The following KIF3C variants were observed in gnomAD, a reference collection of about 807,000 sequenced individuals.
The protein encoded by KIF3C is kinesin-like protein KIF3C.
KIF3C carries 12 observed loss-of-function variants against 67.7 expected under a neutral mutation model. The observed-to-expected ratio is 0.18, with a 90% confidence interval of 0.11 to 0.29. KIF3C has a LOEUF of 0.29. KIF3C is among the 10% of genes least tolerant of loss of function. The pLI is 1.00. For synonymous variants in KIF3C, 393 were observed against 426.2 expected, an observed-to-expected ratio of 0.92 and a Z score of 0.96; for missense variants, 789 against 1,059.6, an observed-to-expected ratio of 0.74 and a Z score of 3.55.
chr2:25,955,504 C>T lies in KIF3C; in HGVS notation c.1770+37G>A. The T allele has an allele frequency of 6.2e-7, 1 of 1,611,270 alleles. No individual in the cohort carries two copies. The highest frequency in any genetic ancestry group is 1.1e-5 in the South Asian group (1 of 90,816). On this transcript the variant is annotated intron_variant, in intron 3 of 7. Coordinates refer to ENST00000264712, the MANE Select transcript of KIF3C (RefSeq NM_002254.8). The surrounding 1 kb of genome is among the most constrained non-coding windows in gnomAD (Gnocchi z 5.0). The stretch of plus-strand genomic sequence containing the variant: ...CCCTTGGGCAGAGACTGCTGGGCCT[C>T]CAGCACACCTTAACCGGTCCTGCTG...
In KIF3C at chr2:25,980,587, G is replaced by C. The variant is rs145081324; in HGVS notation, c.1331C>G (p.Pro444Arg). 1 of 1,614,016 alleles carries C rather than the reference G, an allele frequency of 6.2e-7. No homozygotes were observed. Among genetic ancestry groups the C allele is most frequent in the Admixed American group, 1.7e-5 (1 of 60,020 alleles). The change falls in exon 1 of 8, where the codon CCG becomes CGG. Residue 444 changes from proline to arginine, a missense_variant. Pro to Arg is a moderately radical substitution (Grantham distance 103, BLOSUM62 -2). Transcript: ENST00000264712. This position sits in a 1 kb window ranked among gnomAD's most constrained non-coding sequence, Gnocchi z 7.6. The part of the protein sequence containing the change: ...EEDDNNNNHR[P>R]PQPILESALE... Reference sequence around the variant, plus strand: ...GGCTGACTCCAGGATGGGCTGGGGCGGGCGGTGGTTGTTGTTGTTGTCATC... The same window carrying C: ...GGCTGACTCCAGGATGGGCTGGGGCCGGCGGTGGTTGTTGTTGTTGTCATC...
chr2:25,931,770 T>G (rs1310145732), intron 5 of KIF3C, among the ~76,000 whole-genome samples: 3 of 151,988 alleles, frequency 2.0e-5, no homozygotes, highest in Admixed American at 6.6e-5. Context: ...CCTGAGCAGC[T>G]GAGATTACAG....
intron 1 of KIF3C, among the ~76,000 whole-genome samples, chr2:25,971,328 T>C (rs1006605703): frequency 2.7e-5 from 4 of 148,908 alleles, no homozygotes; most frequent in African/African-American, 1.0e-4. Flanking sequence ...TAGTCCCAGC[T>C]ACTCAGGAGG....
At chr2:25,969,995 C>T (rs954114756) in intron 1 of KIF3C, among the ~76,000 whole-genome samples, 4 of 152,138 alleles carry the variant, frequency 2.6e-5, no homozygotes, top group Admixed American at 6.6e-5. Flanking sequence ...GGATTACAGG[C>T]GTGAGCCACT....
At chr2:25,949,394 C>A (rs955237447) in intron 5 of KIF3C, among the ~76,000 whole-genome samples, 1 of 151,242 alleles carries the variant, frequency 6.6e-6, no homozygotes, top group Non-Finnish European at 1.5e-5. Flanking sequence ...GGTAACATGG[C>A]AAAACCCTGT....
At chr2:25,932,003 G>GTTT (rs775155142) in intron 5 of KIF3C, among the ~76,000 whole-genome samples, 11 of 96,172 alleles carry the variant, frequency 1.1e-4, no homozygotes, top group African/African-American at 2.8e-4. Context: ...CTTCTGTTTT[G>GTTT]TTTTTTTTTT....
rs372388990 is a variant in KIF3C, at chr2:25,929,961, C to T, written c.2109G>A (p.Arg703=). ...TCCCCTCTCCGCTTCTTACCCTGTA[C>T]CTGGGGTGGGACCCCATTGCCATGG... ...RVAMAMGSHP[R]YRAENIMFLE... The change falls in exon 6 of 8, where the codon AGG becomes AGA. Residue 703 remains arginine (R), a synonymous_variant. Transcript: ENST00000264712. 1.0e-5 allele frequency: 16 copies of T among 1,606,712 alleles called. No individual in the cohort carries two copies. Among genetic ancestry groups the T allele is most frequent in the Non-Finnish European group, 1.2e-5 (14 of 1,173,320 alleles).
At chr2:25,937,683 G>A (rs1478319341) in intron 5 of KIF3C, among the ~76,000 whole-genome samples, 1 of 152,186 alleles carries the variant, frequency 6.6e-6, no homozygotes, top group East Asian at 1.9e-4. Flanking sequence ...TCAGGGAGGT[G>A]CAGCGCCTTT....
intron 2 of KIF3C, 63 bp downstream of exon 2, chr2:25,956,280 C>T (rs988034513): frequency 8.8e-6 from 11 of 1,256,176 alleles, no homozygotes; most frequent in Middle Eastern, 2.1e-4. Flanking sequence ...TACGGCCCTG[C>T]ACCTCCCAGA....
rs529498998 is a variant in KIF3C at position 25,965,289 on chromosome 2, G to A, written c.1546-8845C>T. Among the ~76,000 whole-genome samples, 3 of 152,190 alleles carry A rather than the reference G, an allele frequency of 2.0e-5. No homozygotes were observed. The South Asian group carries it at 6.2e-4, about 32-fold the overall frequency. ...GGGTGGGCCTCAGTCCAGGTGCAGGGTCTCTGCTCCCTCCTTCTCCCCAGT... is the reference window on the plus strand; with the variant it reads ...GGGTGGGCCTCAGTCCAGGTGCAGGATCTCTGCTCCCTCCTTCTCCCCAGT... On this transcript the variant is annotated intron_variant, in intron 1 of 7. Coordinates refer to ENST00000264712, the MANE Select transcript of KIF3C (RefSeq NM_002254.8).
intron 5 of KIF3C, among the ~76,000 whole-genome samples, chr2:25,942,225 GCACA>G (rs1663300211): frequency 6.6e-6 from 1 of 151,192 alleles, no homozygotes; most frequent in Non-Finnish European, 1.5e-5. Flanking sequence ...GGGCGTGGTG[GCACA>G]TGCCTATAAT....
chr2:25,939,228 A>G (rs1012200091), intron 5 of KIF3C, among the ~76,000 whole-genome samples: 3 of 152,080 alleles, frequency 2.0e-5, no homozygotes, highest in African/African-American at 7.2e-5. Flanking sequence ...TTGGCCTCCC[A>G]AAGTGCTGGG....
chr2:25,929,616 C>CT (rs757531235), intron 6 of KIF3C, 139 bp from the exon 7 acceptor site: 45,668 of 473,430 alleles, frequency 0.096, no homozygotes, highest in East Asian at 0.13. Flanking sequence ...CCCATAGGCT[C>CT]TTTTTTTTTT....
At chr2:25,953,963 G>A (rs1381134768) in intron 4 of KIF3C, among the ~76,000 whole-genome samples, 1 of 152,128 alleles carries the variant, frequency 6.6e-6, no homozygotes, top group Non-Finnish European at 1.5e-5. Context: ...CACTGCGCCC[G>A]GCCCTAAAAA....
At position 25,980,298 on chromosome 2, in the gene KIF3C, C is replaced by A; in HGVS notation, c.1545+75G>T. 8.1e-7 allele frequency: 1 copy of A among 1,241,416 alleles called. No individual in the cohort carries two copies. The highest frequency in any genetic ancestry group is 1.1e-6 in the Non-Finnish European group (1 of 884,500). 76.9% of individuals were successfully genotyped at this position (1,241,416 alleles called of 1,614,324 possible). On this transcript the variant is annotated intron_variant, in intron 1 of 7. Transcript: ENST00000264712. This position sits in a 1 kb window ranked among gnomAD's most constrained non-coding sequence, Gnocchi z 7.6. ...CCTCCACTTCAGGCCAGGTCACAGA[C>A]TCTCAAAGAAGAGCCTCCTTGCCGG...
chr2:25,963,164 A>ATGTGTGTATGTGTG (rs1553716009), intron 1 of KIF3C, among the ~76,000 whole-genome samples: 3 of 59,074 alleles, frequency 5.1e-5, no homozygotes, highest in African/African-American at 2.3e-4. Context: ...GTGTGTATGT[A>ATGTGTGTATGTGTG]TGTGTGTGTG....
intron 5 of KIF3C, among the ~76,000 whole-genome samples, chr2:25,950,698 A>T (rs1245576851): frequency 6.6e-6 from 1 of 152,172 alleles, no homozygotes; most frequent in East Asian, 1.9e-4. Flanking sequence ...AGCTCCAGCC[A>T]GGGTGGAAAA....
chr2:25,943,683 T>A (rs1344341156), intron 5 of KIF3C, among the ~76,000 whole-genome samples: 1 of 151,942 alleles, frequency 6.6e-6, no homozygotes, highest in Non-Finnish European at 1.5e-5. Flanking sequence ...AGAGTAGAGA[T>A]GGAGAAACCC....
rs1158675304 is a variant in KIF3C at position 25,955,529 on chromosome 2, G to C, written c.1770+12C>G. ...CCAGCACACCTTAACCGGTCCTGCT[G>C]CAGCGTCTCACCTTCTTGAGTTTCT... On this transcript the variant is annotated intron_variant, in intron 3 of 7. Coordinates refer to ENST00000264712, the MANE Select transcript of KIF3C (RefSeq NM_002254.8). This position sits in a 1 kb window ranked among gnomAD's most constrained non-coding sequence, Gnocchi z 5.0. 1.9e-6 allele frequency: 3 copies of C among 1,613,890 alleles called. No individual in the cohort carries two copies. The South Asian group carries it at 3.3e-5, about 18-fold the overall frequency.
Sources: gnomAD v4.1 joint callset for allele counts (sites outside exome capture counted in the v4.1 genomes callset) on GRCh38, gnomAD v4.1.1 for gene constraint, Gnocchi (gnomAD v3.1) non-coding constraint, MANE v1.5 for transcripts, NCBI Gene and HGNC (gene_info 2026-07-23, HGNC 2026-07-21) for gene names.